The following ERICH1 variants were observed in gnomAD, a reference collection of about 807,000 sequenced individuals.
ERICH1 encodes glutamate rich 1, also known as glutamate-rich protein 1.
In ERICH1, 56 loss-of-function variants were observed where a neutral mutation model predicts 39.6. That is an observed-to-expected ratio of 1.41 (90% confidence interval 1.14 to 1.77). The LOEUF (loss-of-function observed/expected upper bound fraction) is 1.77. ERICH1 is among the 40% of genes most tolerant of loss of function. The pLI, the probability that ERICH1 is intolerant of heterozygous loss-of-function variation, is 0.00. For synonymous variants in ERICH1, 313 were observed against 223.6 expected (o/e 1.40, Z -3.57); for missense variants, 826 against 575.4 (o/e 1.44, Z -4.45).
At chr8:630,218 T>A (rs561684404) in intron 3 of ERICH1, among the ~76,000 whole-genome samples, 1 of 125,514 alleles carries the variant, frequency 8.0e-6, no homozygotes, top group Non-Finnish European at 1.6e-5. Flanking sequence ...ACTCACACCC[T>A]CCTGTGACCA....
intron 3 of ERICH1, among the ~76,000 whole-genome samples, chr8:658,554 G>A (rs1273781805): frequency 2.0e-5 from 3 of 152,152 alleles, no homozygotes; most frequent in African/African-American, 7.2e-5. Flanking sequence ...TGTGTCATGG[G>A]CTGAACTATC....
intron 2 of ERICH1, among the ~76,000 whole-genome samples, chr8:697,602 G>C (rs1810628016): frequency 6.6e-6 from 1 of 152,104 alleles, no homozygotes; most frequent in African/African-American, 2.4e-5. Flanking sequence ...GGGTGGGTGA[G>C]GGGTCAGGGC....
chr8:627,977 G>C (rs1262947033), intron 3 of ERICH1, among the ~76,000 whole-genome samples: 1 of 152,170 alleles, frequency 6.6e-6, no homozygotes, highest in African/African-American at 2.4e-5. Flanking sequence ...CCACAGTGCC[G>C]GACACTCCCA....
chr8:688,177 C>A (rs1030174799), intron 3 of ERICH1, among the ~76,000 whole-genome samples: 23 of 150,664 alleles, frequency 1.5e-4, no homozygotes, highest in African/African-American at 4.6e-4. Context: ...CGTGGCGAGC[C>A]GGGGCGCAGG....
rs1266299872 is a variant in ERICH1, at chr8:630,921, C to T, written c.977-15637G>A. Among the ~76,000 whole-genome samples the T allele has an allele frequency of 2.0e-5, 3 of 150,772 alleles. No individual in the cohort carries two copies. In the East Asian group the frequency reaches 5.9e-4, roughly 30 times the overall value. On this transcript the variant is annotated intron_variant, in intron 3 of 3. Transcript: ENST00000522706. ...GAGCTGACTCACACCCTCCCGTGAC[C>T]ACCCACACAGACAGAGCTGACACAC... is the stretch of plus-strand genomic sequence containing the variant.
At chr8:708,680 A>AGTTTTTTGTTTTTTTTTTTTTT (rs1554526139) in intron 2 of ERICH1, among the ~76,000 whole-genome samples, 2 of 55,134 alleles carry the variant, frequency 3.6e-5, no homozygotes, top group Non-Finnish European at 6.8e-5. Context: ...CGGGATAATG[A>AGTTTTTTGTTTTTTTTTTTTTT]GTTTTTTTTT....
At chr8:706,187 G>A (rs977385868) in intron 2 of ERICH1, among the ~76,000 whole-genome samples, 7 of 152,182 alleles carry the variant, frequency 4.6e-5, no homozygotes, top group African/African-American at 1.4e-4. Context: ...GACTCCTTTG[G>A]AATGTATTAC....
chr8:714,010 G>T (rs867167795), intron 2 of ERICH1, among the ~76,000 whole-genome samples: 2 of 80,766 alleles, frequency 2.5e-5, no homozygotes, highest in Non-Finnish European at 5.3e-5. Context: ...GGCCTCTTCC[G>T]GCATCTCTCG....
At chr8:641,021 A>C (rs1798913268) in intron 3 of ERICH1, 1 of 152,146 alleles carries the variant, frequency 6.6e-6, no homozygotes, top group Non-Finnish European at 1.5e-5. Flanking sequence ...ATTCGCCCTG[A>C]TGCTTCGCCC....
intron 2 of ERICH1, among the ~76,000 whole-genome samples, chr8:709,252 T>C (rs146574737): frequency 1.6e-3 from 237 of 152,218 alleles, no homozygotes; most frequent in African/African-American, 5.2e-3. Flanking sequence ...GGGTCTAAAT[T>C]GTCCAAGCAA....
chr8:656,092 C>A (rs1047511404), intron 3 of ERICH1, among the ~76,000 whole-genome samples: 4 of 152,302 alleles, frequency 2.6e-5, no homozygotes, highest in African/African-American at 9.6e-5. Context: ...CAGGTCTGAA[C>A]TGCCTGTGAC....
chr8:671,282 G>C (rs956609854), intron 4 of ERICH1, among the ~76,000 whole-genome samples: 2 of 148,108 alleles, frequency 1.4e-5, no homozygotes, highest in African/African-American at 5.1e-5. Context: ...TGAGCGCGCT[G>C]GTCCCCAGGC....
chr8:664,664 A>T lies in ERICH1; in HGVS notation c.1271T>A (p.Val424Glu), dbSNP rs747802456. 6.2e-7 allele frequency: 1 copy of T among 1,611,898 alleles called. No homozygotes were observed. The highest frequency in any genetic ancestry group is 1.3e-5 in the African/African-American group (1 of 74,894). ...HCTMPPDHAR[V>E]ISAFFSYWIT... is the part of the protein sequence containing the mutation. ...CCAGTAACTAAAGAAAGCTGAGATT[A>T]CTCTGGCATGGTCTAGAAAGCAAAA... Residue 424 changes from valine to glutamate, a missense_variant, in exon 6 of 6, where the codon GTA (valine) becomes GAA (glutamate). Val to Glu is a moderately radical substitution (Grantham distance 121). Transcript: ENST00000262109.
intron 3 of ERICH1, among the ~76,000 whole-genome samples, chr8:623,908 C>T (rs1216229541): frequency 6.6e-6 from 1 of 152,142 alleles, no homozygotes. Flanking sequence ...AAATTGGCTA[C>T]ATTAAAATTA....
At chr8:731,033 G>C (rs1819871171) in intron 1 of ERICH1, 107 bp downstream of exon 1, 1 of 1,288,342 alleles carries the variant, frequency 7.8e-7, no homozygotes, top group Non-Finnish European at 1.0e-6. Context: ...CTGGGTTTGG[G>C]GTGGGGCCTG....
intron 1 of ERICH1, among the ~76,000 whole-genome samples, chr8:722,377 G>C (rs1325816436): frequency 6.6e-6 from 1 of 151,918 alleles, no homozygotes; most frequent in Non-Finnish European, 1.5e-5. Context: ...GCAGAAATGA[G>C]TCCCTTTCAC....
rs571516925 is a variant in ERICH1, at chr8:699,649, G to C, written c.170-7037C>G. Among the ~76,000 whole-genome samples the C allele has an allele frequency of 1.1e-4, 17 of 152,038 alleles. No homozygotes were observed. The South Asian group carries it at 3.5e-3, about 31-fold the overall frequency. On this transcript the variant is annotated intron_variant, in intron 2 of 5. Coordinates refer to ENST00000262109, the MANE Select transcript of ERICH1 (RefSeq NM_207332.3). The stretch of plus-strand genomic sequence containing the variant: ...CCAAGATCTCAACACGCGCGTGAAA[G>C]CACACACAGGAGCACGTACAGACCC...
At chr8:633,785 T>C (rs1327123097) in intron 3 of ERICH1, among the ~76,000 whole-genome samples, 2 of 152,076 alleles carry the variant, frequency 1.3e-5, no homozygotes, top group East Asian at 1.9e-4. Flanking sequence ...GACTCCTCAA[T>C]GGGAAAAGAC....
rs528511770 is a variant in ERICH1 at position 627,889 on chromosome 8, C to A, written c.977-12605G>T. ...GGACCAAGCTCTGGGCAGATCCCAG[C>A]TGCCTCCCCTAGTCCCCTCGGGAAG... On this transcript the variant is annotated intron_variant, in intron 3 of 3. Transcript: ENST00000522706. Among the ~76,000 whole-genome samples, 159 of 152,328 alleles carry A rather than the reference C, an allele frequency of 1.0e-3. No individual in the cohort carries two copies. In the South Asian group the frequency reaches 0.011, roughly 10 times the overall value.
Sources: allele counts gnomAD v4.1 joint callset (sites outside exome capture counted in the v4.1 genomes callset), GRCh38; gene constraint gnomAD v4.1.1; transcripts MANE v1.5; gene names NCBI Gene and HGNC (gene_info 2026-07-23, HGNC 2026-07-21).